Variants in RNF213 observed in about 807,000 individuals in gnomAD.
RNF213 encodes the protein E3 ubiquitin-protein ligase RNF213.
RNF213 carries 341 observed loss-of-function variants against 514.4 expected under a neutral mutation model. The observed-to-expected ratio is 0.66, with a 90% CI of 0.61 to 0.73. RNF213 has a LOEUF of 0.73. Among genes scored for constraint, RNF213 ranks in the 30% least tolerant of loss-of-function variants. RNF213 has a pLI of 0.00. For missense variants in RNF213, 5,767 were observed against 6,615.6 expected, an observed-to-expected ratio of 0.87 and a Z score of 4.45; for synonymous variants, 2,655 against 2,658.2, an observed-to-expected ratio of 1.00 and a Z score of 0.04.
chr17:80,350,010 C>T (rs762954336), intron 30 of RNF213, 104 bp downstream of exon 30: 11 of 1,256,318 alleles, frequency 8.8e-6, no homozygotes, highest in Admixed American at 1.9e-5. Flanking sequence ...GCCACAGTCA[C>T]GTGACTGTGA....
rs144139703 is a variant in RNF213 at position 80,353,530 on chromosome 17, C to T, written c.10442C>T (p.Ala3481Val). Residue 3481 changes from alanine to valine, a missense_variant, in exon 34 of 68, where the codon GCG (alanine) becomes GTG (valine). Physicochemically the swap from Ala to Val is moderately conservative, Grantham distance 64 (BLOSUM62 0). Transcript: ENST00000582970. The surrounding 1 kb of genome is among the most constrained non-coding windows in gnomAD (Gnocchi z 5.0). ...DLPELGLEHR[A>V]EDGHEEAMET... ...ACTGCAGTGGGCTTGGAACACCGGG[C>T]GGAAGACGGCCATGAGGAGGCGATG... The T allele has an allele frequency of 2.4e-4, 381 of 1,611,498 alleles. 1 individual carries two copies. The African/African-American group carries it at 4.4e-3, about 19-fold the overall frequency.
chr17:80,383,205 A>G (rs1408303760), intron 58 of RNF213, 135 bp downstream of exon 58: 6 of 704,872 alleles, frequency 8.5e-6, no homozygotes, highest in African/African-American at 1.8e-5. Flanking sequence ...CCAGATTCCA[A>G]TGCTCCCCAC....
At chr17:80,269,525 C>T (rs2043739918) in intron 2 of RNF213, among the ~76,000 whole-genome samples, 1 of 151,362 alleles carries the variant, frequency 6.6e-6, no homozygotes. Flanking sequence ...CATCCATCCT[C>T]TTTCTATTCA....
chr17:80,377,872 G>A lies in RNF213; in HGVS notation c.13545+76G>A. 2 of 1,529,688 alleles carry A rather than the reference G, an allele frequency of 1.3e-6. No individual in the cohort carries two copies. The highest frequency in any genetic ancestry group is 1.1e-5 in the South Asian group (1 of 89,292). The allele number at this position is 1,529,688 out of a possible 1,614,324, so 94.8% of individuals were successfully genotyped here. ...GTTGGAGGAGGGGGATCGTGGGTCAGGAGAGTGAGGCTCTCGGCCTTCCAG... is the reference window on the plus strand; with the variant it reads ...GTTGGAGGAGGGGGATCGTGGGTCAAGAGAGTGAGGCTCTCGGCCTTCCAG... On this transcript the variant is annotated intron_variant, in intron 54 of 67. Coordinates refer to ENST00000582970, the MANE Select transcript of RNF213 (RefSeq NM_001256071.3). The surrounding 1 kb of genome is among the most constrained non-coding windows in gnomAD (Gnocchi z 4.1).
intron 18 of RNF213, 93 bp from the exon 19 acceptor site, chr17:80,327,723 C>T (rs1332440597): frequency 4.6e-6 from 5 of 1,096,844 alleles, no homozygotes; most frequent in Non-Finnish European, 6.4e-6. Flanking sequence ...GAAGTGGGGG[C>T]AGAACAAGAG....
At chr17:80,304,885 C>T (rs2045304749) in intron 11 of RNF213, among the ~76,000 whole-genome samples, 1 of 152,156 alleles carries the variant, frequency 6.6e-6, no homozygotes, top group African/African-American at 2.4e-5. Context: ...TCCCCCTCCT[C>T]CTGGTAACCA....
chr17:80,393,212 C>T (rs1340209401), intron 67 of RNF213, 133 bp from the exon 68 acceptor site: 1 of 864,602 alleles, frequency 1.2e-6, no homozygotes, highest in East Asian at 2.6e-5. Flanking sequence ...AACTCCTGAC[C>T]TCCACTGACC....
intron 12 of RNF213, 120 bp downstream of exon 12, chr17:80,306,588 C>T (rs923629312): frequency 9.8e-6 from 10 of 1,024,520 alleles, no homozygotes; most frequent in Admixed American, 2.0e-5. Flanking sequence ...TGCGGTGGCT[C>T]ACGCCTGAAT....
intron 11 of RNF213, among the ~76,000 whole-genome samples, chr17:80,302,429 CAT>C (rs1292081865): frequency 2.0e-5 from 3 of 152,060 alleles, no homozygotes; most frequent in Non-Finnish European, 2.9e-5. Context: ...ACATTGTAGA[CAT>C]ATTTATATGT....
intron 8 of RNF213, 49 bp from the exon 9 acceptor site, chr17:80,294,671 A>G (rs867001296): frequency 6.2e-7 from 1 of 1,607,214 alleles, no homozygotes; most frequent in South Asian, 1.1e-5. Flanking sequence ...CTAGGTCTCC[A>G]GGGTTTTGAT....
chr17:80,281,097 T>TCACACACACCTCAA (rs2044242092), intron 3 of RNF213, among the ~76,000 whole-genome samples: 1 of 45,716 alleles, frequency 2.2e-5, no homozygotes, highest in Non-Finnish European at 4.1e-5. Context: ...CATACCCCAC[T>TCACACACACCTCAA]CACACATACC....
rs2080583982 is a variant in RNF213, at chr17:80,393,911, TCA to T, written c.*414_*415del. 4.9e-6 allele frequency: 1 copy of T among 204,840 alleles called. No homozygotes were observed. Among genetic ancestry groups the T allele is most frequent in the South Asian group, 8.0e-5 (1 of 12,526 alleles). 12.7% of individuals were successfully genotyped at this position (204,840 alleles called of 1,614,324 possible). A position where few individuals can be genotyped will look rare whatever the true frequency, so the allele number is the denominator to read the frequency against. ...AATTCTGTACTCACAAAAGAGAATC[TCA>T]TTTTCTTCTTTCTTCCATTCCCTTA... On this transcript the variant is annotated 3_prime_UTR_variant, in exon 68 of 68. Transcript: ENST00000582970.
intron 26 of RNF213, chr17:80,340,772 C>T (rs1177922397): frequency 3.0e-5 from 5 of 169,078 alleles, no homozygotes; most frequent in African/African-American, 4.8e-5. Flanking sequence ...AGGTACCCAC[C>T]GCCATCCCTG....
intron 14 of RNF213, 53 bp downstream of exon 14, chr17:80,309,224 A>C: frequency 2.5e-6 from 4 of 1,606,644 alleles, no homozygotes; most frequent in Non-Finnish European, 2.6e-6. Flanking sequence ...GCGGAATTTC[A>C]AGCAGCCTCA....
At chr17:80,328,159 A>G (rs1488215803) in intron 19 of RNF213, among the ~76,000 whole-genome samples, 169 bp from the exon 20 acceptor site, 1 of 152,242 alleles carries the variant, frequency 6.6e-6, no homozygotes, top group Non-Finnish European at 1.5e-5. Context: ...TCTCAAGAAC[A>G]TCACGGGAAA....
At chr17:80,307,245 C>G in intron 13 of RNF213, 44 bp downstream of exon 13, 1 of 1,582,774 alleles carries the variant, frequency 6.3e-7, no homozygotes, top group Non-Finnish European at 8.7e-7. Context: ...CATGCGGCCC[C>G]CGGGGGCTTC....
intron 63 of RNF213, 57 bp from the exon 64 acceptor site, chr17:80,388,555 G>A: frequency 1.7e-6 from 2 of 1,166,376 alleles, no homozygotes; most frequent in East Asian, 2.3e-5. Flanking sequence ...TTTGTCATCT[G>A]CTGGAAATGT....
Position 80,353,102 on chromosome 17 carries a change from G to T in RNF213, c.10423+43G>T. 1 of 1,606,142 alleles carries T rather than the reference G, an allele frequency of 6.2e-7. No individual in the cohort carries two copies. ...GCCCCTGGGGGAGCAGGTGGTGGAAGGGCAGATGGCAGGTGTGGAGCGTGG... is the reference window on the plus strand; with the variant it reads ...GCCCCTGGGGGAGCAGGTGGTGGAATGGCAGATGGCAGGTGTGGAGCGTGG... On this transcript the variant is annotated intron_variant, in intron 33 of 67. Coordinates refer to ENST00000582970, the MANE Select transcript of RNF213 (RefSeq NM_001256071.3). This position sits in a 1 kb window ranked among gnomAD's most constrained non-coding sequence, Gnocchi z 5.0.
In RNF213 at chr17:80,339,578, C is replaced by T. The variant is rs1438629028; in HGVS notation, c.5211C>T (p.Thr1737=). ...TATCCTTCATCAAAAGCAACTGCAC[C>T]CTGAGGGATGTCTTAAGGGCCTCTG... The part of the protein sequence containing the change: ...TMLSFIKSNC[T]LRDVLRASVG... Residue 1737 remains threonine (T), a synonymous_variant, in exon 26 of 68, where the codon ACC becomes ACT. Transcript: ENST00000582970. 3 of 1,537,156 alleles carry T rather than the reference C, an allele frequency of 2.0e-6. No homozygotes were observed. In the South Asian group the frequency reaches 3.6e-5, roughly 18 times the overall value.
Sources: gnomAD v4.1 joint callset for allele counts (sites outside exome capture counted in the v4.1 genomes callset) on GRCh38, gnomAD v4.1.1 for gene constraint, Gnocchi (gnomAD v3.1) non-coding constraint, MANE v1.5 for transcripts, NCBI Gene and HGNC (gene_info 2026-07-23, HGNC 2026-07-21) for gene names.